The following MTF1 variants were observed in gnomAD, a reference collection of about 807,000 sequenced individuals.
The protein encoded by MTF1 is metal regulatory transcription factor 1, also known as MRE-binding transcription factor.
In MTF1, 22 loss-of-function variants were observed where a neutral mutation model predicts 70.4. The observed-to-expected ratio is 0.31, with a 90% confidence interval of 0.22 to 0.45. The LOEUF is 0.45. Ranked by LOEUF, MTF1 falls within the 20% of genes least tolerant of loss-of-function variation. MTF1 has a pLI of 1.00. For synonymous variants in MTF1, 333 were observed against 352.8 expected (o/e 0.94, Z 0.63); for missense variants, 649 against 922.0 (o/e 0.70, Z 3.83).
chr1:37,851,264 GA>G (rs1641415023), intron 2 of MTF1, among the ~76,000 whole-genome samples: 1 of 152,162 alleles, frequency 6.6e-6, no homozygotes, highest in Admixed American at 6.5e-5. Flanking sequence ...GGATAGCATG[GA>G]AAAATGTGGG....
At chr1:37,829,508 C>T (rs1641052109) in intron 7 of MTF1, among the ~76,000 whole-genome samples, 1 of 151,480 alleles carries the variant, frequency 6.6e-6, no homozygotes, top group Admixed American at 6.6e-5. Flanking sequence ...CCTGGCCGGG[C>T]GCGGTGGCTC....
chr1:37,816,063 G>A (rs1003963643), intron 10 of MTF1, among the ~76,000 whole-genome samples: 3 of 152,176 alleles, frequency 2.0e-5, no homozygotes, highest in South Asian at 2.1e-4. Context: ...CATGCACAGT[G>A]CTGCTGTTTT....
At chr1:37,835,614 C>G in intron 5 of MTF1, 57 bp downstream of exon 5, 1 of 1,314,902 alleles carries the variant, frequency 7.6e-7, no homozygotes, top group South Asian at 1.2e-5. Flanking sequence ...CTCTACAGGT[C>G]TCAATGGAAA....
chr1:37,852,646 T>C (rs1641433737), intron 2 of MTF1, among the ~76,000 whole-genome samples: 1 of 151,966 alleles, frequency 6.6e-6, no homozygotes. Flanking sequence ...TTTTTTTTTT[T>C]TCCAACCAGA....
At chr1:37,842,627 C>T (rs1641272833) in intron 2 of MTF1, among the ~76,000 whole-genome samples, 1 of 152,182 alleles carries the variant, frequency 6.6e-6, no homozygotes, top group Non-Finnish European at 1.5e-5. Flanking sequence ...TTTTGTCTCT[C>T]ATCTCCCAAA....
intron 2 of MTF1, among the ~76,000 whole-genome samples, chr1:37,855,546 A>G (rs1357963167): frequency 6.6e-6 from 1 of 152,234 alleles, no homozygotes; most frequent in Non-Finnish European, 1.5e-5. Flanking sequence ...TTAAGACCTC[A>G]ACCACAGCAA....
intron 6 of MTF1, among the ~76,000 whole-genome samples, chr1:37,833,606 C>T (rs1641120734): frequency 6.6e-6 from 1 of 152,152 alleles, no homozygotes; most frequent in South Asian, 2.1e-4. Flanking sequence ...AATGAACAAA[C>T]TAAACTCCTC....
intron 2 of MTF1, among the ~76,000 whole-genome samples, chr1:37,853,005 G>A (rs1018724835): frequency 6.6e-6 from 1 of 152,114 alleles, no homozygotes; most frequent in Non-Finnish European, 1.5e-5. Context: ...AAGTTCTCTC[G>A]TACTTCTACA....
intron 2 of MTF1, among the ~76,000 whole-genome samples, chr1:37,856,954 T>C (rs980427988): frequency 7.9e-5 from 12 of 152,230 alleles, no homozygotes; most frequent in African/African-American, 2.7e-4. Context: ...ATAAGCTAAA[T>C]AGTTATTTTA....
intron 7 of MTF1, among the ~76,000 whole-genome samples, chr1:37,825,120 G>A (rs1486368692): frequency 2.6e-5 from 4 of 152,182 alleles, no homozygotes; most frequent in Non-Finnish European, 5.9e-5. Context: ...TGAAGCAAGG[G>A]AGGTGGGTTG....
At chr1:37,823,681 T>C in intron 8 of MTF1, 29 bp downstream of exon 8, 9 of 1,523,724 alleles carry the variant, frequency 5.9e-6, no homozygotes, top group Non-Finnish European at 8.2e-6. Context: ...AGTGCTTAGA[T>C]GTGAGTAGAA....
At chr1:37,831,114 G>A (rs1641079720) in intron 7 of MTF1, among the ~76,000 whole-genome samples, 1 of 152,130 alleles carries the variant, frequency 6.6e-6, no homozygotes, top group Non-Finnish European at 1.5e-5. Context: ...CTTCTTCCAA[G>A]GTTACCTCTG....
intron 7 of MTF1, among the ~76,000 whole-genome samples, chr1:37,829,392 C>G (rs2148407146): frequency 6.6e-6 from 1 of 152,234 alleles, no homozygotes; most frequent in Admixed American, 6.5e-5. Context: ...TCTCAAACTC[C>G]TGGGCTCAAG....
rs916709186 is a variant in MTF1, at chr1:37,835,070, A to G, written c.990+9T>C. 3 of 1,613,222 alleles carry G rather than the reference A, an allele frequency of 1.9e-6. No homozygotes were observed. Among genetic ancestry groups the G allele is most frequent in the Non-Finnish European group, 2.5e-6 (3 of 1,179,566 alleles). On this transcript the variant is annotated intron_variant, in intron 6 of 10. Coordinates refer to ENST00000373036, the MANE Select transcript of MTF1 (RefSeq NM_005955.3). The stretch of plus-strand genomic sequence containing the variant: ...GGTACCCAGATCAAGAGACAAAAAC[A>G]CTACACACCTCTGATCCATTGTGTT...
At chr1:37,826,593 A>G (rs766358695) in intron 7 of MTF1, 14 of 453,480 alleles carry the variant, frequency 3.1e-5, no homozygotes, top group African/African-American at 1.6e-4. Context: ...TTCTACGTCT[A>G]TCAGCTGAAG....
intron 7 of MTF1, among the ~76,000 whole-genome samples, chr1:37,825,239 CT>C (rs1379907671): frequency 6.6e-6 from 1 of 151,958 alleles, no homozygotes; most frequent in African/African-American, 2.4e-5. Flanking sequence ...AAAATTTTGA[CT>C]TTCTTTTTTT....
At chr1:37,841,023 T>C (rs1641247301) in intron 2 of MTF1, 1 of 218,600 alleles carries the variant, frequency 4.6e-6, no homozygotes, top group Non-Finnish European at 9.2e-6. Context: ...GTCCAGGACA[T>C]GAAGATCAAG....
chr1:37,855,848 C>G (rs1473462373), intron 2 of MTF1, among the ~76,000 whole-genome samples: 1 of 152,050 alleles, frequency 6.6e-6, no homozygotes, highest in Non-Finnish European at 1.5e-5. Flanking sequence ...ATCCCAGCTA[C>G]TCAGGAGGCT....
At chr1:37,828,702 T>C (rs771248569) in intron 7 of MTF1, among the ~76,000 whole-genome samples, 6 of 152,222 alleles carry the variant, frequency 3.9e-5, no homozygotes, top group Non-Finnish European at 5.9e-5. Flanking sequence ...CTTTTCTGTA[T>C]GTATATTGTA....
Sources: gnomAD v4.1 joint callset for allele counts (sites outside exome capture counted in the v4.1 genomes callset) on GRCh38, gnomAD v4.1.1 for gene constraint, MANE v1.5 for transcripts, NCBI Gene and HGNC (gene_info 2026-07-23, HGNC 2026-07-21) for gene names.